Variants in HSPA4L observed in about 807,000 individuals in gnomAD.
HSPA4L encodes heat shock 70 kDa protein 4L.
HSPA4L carries 48 observed loss-of-function variants against 100.3 expected under a neutral mutation model. That is an observed-to-expected ratio of 0.48 (90% CI 0.38 to 0.61). The LOEUF (loss-of-function observed/expected upper bound fraction) is 0.61. Among genes scored for constraint, HSPA4L ranks in the 20% least tolerant of loss-of-function variants. HSPA4L has a pLI of 0.00. For synonymous variants in HSPA4L, 319 were observed against 328.2 expected, an observed-to-expected ratio of 0.97 and a Z score of 0.30; for missense variants, 886 against 988.6, an observed-to-expected ratio of 0.90 and a Z score of 1.39.
At chr4:127,821,954 C>A (rs2148796826) in intron 14 of HSPA4L, among the ~76,000 whole-genome samples, 1 of 152,184 alleles carries the variant, frequency 6.6e-6, no homozygotes, top group South Asian at 2.1e-4. Context: ...TTTTTAACAG[C>A]TTTATTGAGA....
In HSPA4L at chr4:127,782,346, G is replaced by A. The variant is rs943466902; in HGVS notation, c.-205G>A. ...CAGTAGGGAAAGACCCAGGCTGCGG[G>A]ACGCGGTGCAGGCTGCGGCGCTGAC... On this transcript the variant is annotated 5_prime_UTR_variant, in exon 1 of 19. Coordinates refer to ENST00000296464, the MANE Select transcript of HSPA4L (RefSeq NM_014278.4). 8 of 559,028 alleles carry A rather than the reference G, an allele frequency of 1.4e-5. No individual in the cohort carries two copies. The highest frequency in any genetic ancestry group is 3.1e-5 in the Admixed American group (1 of 31,894). The allele number at this position is 559,028 out of a possible 1,614,324, so 34.6% of individuals were successfully genotyped here. A position where few individuals can be genotyped will look rare whatever the true frequency, so the allele number is the denominator to read the frequency against.
At chr4:127,789,206 T>C (rs1020000774) in intron 1 of HSPA4L, among the ~76,000 whole-genome samples, 1 of 152,244 alleles carries the variant, frequency 6.6e-6, no homozygotes, top group Non-Finnish European at 1.5e-5. Flanking sequence ...CATCTTGTCA[T>C]CTGATTTTTA....
At chr4:127,804,276 C>G (rs1446452545) in intron 8 of HSPA4L, among the ~76,000 whole-genome samples, 189 bp downstream of exon 8, 1 of 152,006 alleles carries the variant, frequency 6.6e-6, no homozygotes, top group Non-Finnish European at 1.5e-5. Context: ...TATGAGAATT[C>G]TTCCTGGATC....
At chr4:127,813,006 G>A (rs977382867) in intron 12 of HSPA4L, 2 of 867,726 alleles carry the variant, frequency 2.3e-6, no homozygotes, top group African/African-American at 3.3e-5. Flanking sequence ...GGGTAACATT[G>A]TAGACTCTTC....
chr4:127,838,364 A>G lies in HSPA4L; in HGVS notation c.*5490A>G, dbSNP rs1326961447. The G allele has an allele frequency of 1.3e-5, 2 of 152,220 alleles. No homozygotes were observed. Among genetic ancestry groups the G allele is most frequent in the African/African-American group, 4.8e-5 (2 of 41,460 alleles). The allele number at this position is 152,220 out of a possible 1,614,324, so 9.4% of individuals were successfully genotyped here. A position where few individuals can be genotyped will look rare whatever the true frequency, so the allele number is the denominator to read the frequency against. ...CTAAAGATACTTCCAACATATTGTT[A>G]GAGTAAGTATTAAAAGAAAAAGTAG... On this transcript the variant is annotated 3_prime_UTR_variant, in exon 19 of 19. Coordinates refer to ENST00000296464, the MANE Select transcript of HSPA4L (RefSeq NM_014278.4).
chr4:127,801,027 G>C, intron 4 of HSPA4L, 111 bp from the exon 5 acceptor site: 1 of 669,860 alleles, frequency 1.5e-6, no homozygotes, highest in South Asian at 2.6e-5. Context: ...TCTTTAGTTA[G>C]AACATCTTTA....
intron 14 of HSPA4L, among the ~76,000 whole-genome samples, chr4:127,822,554 A>G (rs1733840118): frequency 6.6e-6 from 1 of 152,122 alleles, no homozygotes; most frequent in Admixed American, 6.5e-5. Flanking sequence ...TGTGCTTAGC[A>G]TTTTGAGGGA....
Position 127,832,785 on chromosome 4 carries a change from G to T in HSPA4L, c.2431G>T (p.Asp811Tyr). 1 of 1,613,708 alleles carries T rather than the reference G, an allele frequency of 6.2e-7. No individual in the cohort carries two copies. The highest frequency in any genetic ancestry group is 8.5e-7 in the Non-Finnish European group (1 of 1,179,752). Residue 811 changes from aspartate to tyrosine, a missense_variant, in exon 19 of 19, where the codon GAT becomes TAT. Asp to Tyr is a radical substitution (Grantham distance 160, BLOSUM62 -3). Transcript: ENST00000296464. ...KANSEHNGPM[D>Y]GQSGTETKSD... ...TAATAGTGAACACAATGGCCCAATG[G>T]ATGGACAGAGTGGAACTGAAACTAA...
At chr4:127,781,861 C>G (rs1037671047), upstream of HSPA4L, 2 of 314,082 alleles carry the variant, frequency 6.4e-6, no homozygotes, top group Admixed American at 4.0e-5. Context: ...GCGAGCCCTT[C>G]TGAGGGCAGG....
chr4:127,807,503 C>G (rs1447399208), intron 10 of HSPA4L, among the ~76,000 whole-genome samples: 1 of 152,036 alleles, frequency 6.6e-6, no homozygotes, highest in Non-Finnish European at 1.5e-5. Flanking sequence ...TGTGTGCACT[C>G]AGATGATGAA....
Position 127,803,872 on chromosome 4 carries a change from A to G in HSPA4L, c.907A>G (p.Arg303Gly). 6.2e-7 allele frequency: 1 copy of G among 1,612,582 alleles called. No homozygotes were observed. The highest frequency in any genetic ancestry group is 8.5e-7 in the Non-Finnish European group (1 of 1,179,202). ...CCTTGATGTTTCTAGTAAAATGAACAGGTACCACGTATGTTTTTAGTTTGA... is the reference window on the plus strand; with the variant it reads ...CCTTGATGTTTCTAGTAAAATGAACGGGTACCACGTATGTTTTTAGTTTGA... ...NDLDVSSKMN[R>G]AQFEQLCASL... is the part of the protein sequence containing the mutation. The change falls in exon 7 of 19, where the codon AGG becomes GGG. Residue 303 changes from arginine (R) to glycine (G), a missense_variant and splice_region_variant. Transcript: ENST00000296464.
intron 6 of HSPA4L, 82 bp from the exon 7 acceptor site, chr4:127,803,547 T>G: frequency 7.4e-7 from 1 of 1,347,964 alleles, no homozygotes. Flanking sequence ...ATTTTTACAT[T>G]TTTTTATTTT....
chr4:127,803,113 G>A (rs930143983), intron 6 of HSPA4L, among the ~76,000 whole-genome samples: 16 of 151,740 alleles, frequency 1.1e-4, no homozygotes, highest in African/African-American at 3.1e-4. Flanking sequence ...TGGTTTTTTG[G>A]TTGTGTTTTT....
chr4:127,783,494 G>A (rs1043729924), intron 1 of HSPA4L: 2 of 1,458,136 alleles, frequency 1.4e-6, no homozygotes. Flanking sequence ...TAGGAGGAGC[G>A]GCGTTATGTC....
In HSPA4L at chr4:127,830,645, GAT is replaced by G. The variant is rs1734056043; in HGVS notation, c.2177_2178del (p.Tyr726Ter). 1.3e-6 allele frequency: 2 copies of G among 1,576,704 alleles called. No individual in the cohort carries two copies. The highest frequency in any genetic ancestry group is 2.3e-5 in the East Asian group (1 of 43,744). On this transcript the variant is annotated frameshift_variant, in exon 18 of 19. Transcript: ENST00000296464. LOFTEE classifies it high-confidence loss of function. ...CTTTTTTTTTTTAAATAGGATGAAA[GAT>G]ATGATCATCTGGATCCTACTGAAAT...
chr4:127,811,604 A>G lies in HSPA4L; in HGVS notation c.1546A>G (p.Thr516Ala). 6.2e-7 allele frequency: 1 copy of G among 1,613,606 alleles called. No homozygotes were observed. The highest frequency in any genetic ancestry group is 8.5e-7 in the Non-Finnish European group (1 of 1,179,836). ...DHSDAPMETE[T>A]SFKNENKDNM... ...CAGTGATGCTCCAATGGAGACAGAA[A>G]CTTCATTTAAAAATGAAAACAAAGA... The change falls in exon 12 of 19, where the codon ACT becomes GCT. Residue 516 changes from threonine to alanine, a missense_variant. Thr to Ala is a moderately conservative substitution (Grantham distance 58). Coordinates refer to ENST00000296464, the MANE Select transcript of HSPA4L (RefSeq NM_014278.4).
chr4:127,812,927 G>A (rs907514417), intron 12 of HSPA4L: 7 of 826,290 alleles, frequency 8.5e-6, no homozygotes, highest in South Asian at 1.4e-5. Flanking sequence ...TGCTCAATAC[G>A]CACATTAATT....
chr4:127,829,392 C>CT lies in HSPA4L; in HGVS notation c.2167-1236dup, dbSNP rs113670847. 1.8e-3 allele frequency among the ~76,000 whole-genome samples: 261 copies of CT among 145,368 alleles called. No homozygotes were observed. In the East Asian group the frequency reaches 0.033, roughly 19 times the overall value. On this transcript the variant is annotated intron_variant, in intron 17 of 18. Coordinates refer to ENST00000296464, the MANE Select transcript of HSPA4L (RefSeq NM_014278.4). ...TGAGCACAGGAGTAATAACATTTGG[C>CT]TTTTTTTTTTAAGGATCTGGAGGCA... is the stretch of plus-strand genomic sequence containing the variant.
intron 12 of HSPA4L, 65 bp downstream of exon 12, chr4:127,811,701 A>C: frequency 1.7e-6 from 2 of 1,199,398 alleles, no homozygotes; most frequent in Non-Finnish European, 2.4e-6. Flanking sequence ...CTTAATCATA[A>C]CTGGGACTTT....
Sources: allele counts gnomAD v4.1 joint callset (sites outside exome capture counted in the v4.1 genomes callset), GRCh38; gene constraint gnomAD v4.1.1; transcripts MANE v1.5; gene names NCBI Gene and HGNC (gene_info 2026-07-23, HGNC 2026-07-21).